The following KCNQ5 variants were observed in gnomAD, a reference collection of about 807,000 sequenced individuals.
The protein encoded by KCNQ5 is potassium voltage-gated channel subfamily KQT member 5.
A neutral mutation model predicts 98.2 loss-of-function variants in KCNQ5; 30 were observed. That is an observed-to-expected ratio of 0.31 (90% CI 0.23 to 0.41). KCNQ5 has a LOEUF of 0.41. Among genes scored for constraint, KCNQ5 ranks in the 10% least tolerant of loss-of-function variants. KCNQ5 has a pLI of 1.00. For missense variants in KCNQ5, 835 were observed against 1,182.5 expected (o/e 0.71, Z 4.31); for synonymous variants, 458 against 449.4 (o/e 1.02, Z -0.24).
chr6:72,855,055 C>T (rs371386207), intron 1 of KCNQ5, among the ~76,000 whole-genome samples: 4 of 151,918 alleles, frequency 2.6e-5, no homozygotes, highest in African/African-American at 9.7e-5. Context: ...TCAATTATCA[C>T]ACATTAGAAA....
intron 1 of KCNQ5, among the ~76,000 whole-genome samples, chr6:72,890,860 T>C (rs1346327048): frequency 6.6e-6 from 1 of 152,178 alleles, no homozygotes; most frequent in Non-Finnish European, 1.5e-5. Context: ...AGAGAACATG[T>C]AGCCCTCCCA....
At chr6:72,974,629 C>A (rs534811002) in intron 1 of KCNQ5, among the ~76,000 whole-genome samples, 45 of 152,078 alleles carry the variant, frequency 3.0e-4, no homozygotes, top group Non-Finnish European at 5.4e-4. Flanking sequence ...TTTAGTGCAT[C>A]CCTGTCAGCT....
chr6:73,083,343 A>T (rs1773856483), intron 5 of KCNQ5, among the ~76,000 whole-genome samples: 1 of 152,320 alleles, frequency 6.6e-6, no homozygotes, highest in East Asian at 1.9e-4. Context: ...TGATAAATGC[A>T]AAATACTAAA....
intron 1 of KCNQ5, among the ~76,000 whole-genome samples, chr6:72,715,730 T>C (rs1769612944): frequency 6.6e-6 from 1 of 152,176 alleles, no homozygotes; most frequent in Admixed American, 6.5e-5. Flanking sequence ...TATTTGGTTT[T>C]ATACTATGGT....
At chr6:73,037,445 C>CA (rs1374668303) in intron 2 of KCNQ5, among the ~76,000 whole-genome samples, 1 of 152,026 alleles carries the variant, frequency 6.6e-6, no homozygotes, top group East Asian at 1.9e-4. Context: ...TTGCTTAGTC[C>CA]AAATCCCAAA....
chr6:72,820,593 G>A (rs1370657662), intron 1 of KCNQ5, among the ~76,000 whole-genome samples: 1 of 151,690 alleles, frequency 6.6e-6, no homozygotes, highest in African/African-American at 2.4e-5. Flanking sequence ...TTTTCCTATA[G>A]TGAGGAGAAT....
intron 1 of KCNQ5, among the ~76,000 whole-genome samples, chr6:72,723,168 T>A (rs571136193): frequency 1.3e-5 from 2 of 152,288 alleles, no homozygotes; most frequent in East Asian, 3.9e-4. Flanking sequence ...ATTTTGGTAG[T>A]CTTTTATTTC....
intron 9 of KCNQ5, among the ~76,000 whole-genome samples, chr6:73,132,091 G>T (rs569419867): frequency 6.6e-6 from 1 of 152,208 alleles, no homozygotes; most frequent in Non-Finnish European, 1.5e-5. Flanking sequence ...ACTGTTTCTT[G>T]TTAGCTACAA....
intron 11 of KCNQ5, among the ~76,000 whole-genome samples, chr6:73,179,868 T>C (rs1006780134): frequency 2.0e-5 from 3 of 152,224 alleles, no homozygotes; most frequent in Non-Finnish European, 4.4e-5. Flanking sequence ...GAATTTTAAC[T>C]GTCTGCCTAC....
At chr6:72,774,291 A>G (rs1773056871) in intron 1 of KCNQ5, among the ~76,000 whole-genome samples, 1 of 152,168 alleles carries the variant, frequency 6.6e-6, no homozygotes, top group Admixed American at 6.5e-5. Context: ...CATAAACAAT[A>G]TATAAGCAGA....
chr6:72,896,081 T>G (rs752469852), intron 1 of KCNQ5, among the ~76,000 whole-genome samples: 21 of 152,192 alleles, frequency 1.4e-4, no homozygotes, highest in Non-Finnish European at 2.5e-4. Context: ...AGCAAGTCTA[T>G]TAAATTATAA....
intron 12 of KCNQ5, among the ~76,000 whole-genome samples, chr6:73,191,958 C>T (rs964231122): frequency 1.3e-5 from 2 of 152,202 alleles, no homozygotes; most frequent in African/African-American, 4.8e-5. Flanking sequence ...CATTCTGTAA[C>T]ATCTGTAACA....
intron 6 of KCNQ5, among the ~76,000 whole-genome samples, chr6:73,109,977 A>T (rs1389301467): frequency 6.6e-6 from 1 of 152,196 alleles, no homozygotes; most frequent in Non-Finnish European, 1.5e-5. Context: ...AAGGAAGGTT[A>T]AAGGTTATCT....
Position 72,790,460 on chromosome 6 carries a change from C to T in KCNQ5, c.398+167873C>T, listed in dbSNP as rs75080894. On this transcript the variant is annotated intron_variant, in intron 1 of 13. Coordinates refer to ENST00000370398, the MANE Select transcript of KCNQ5 (RefSeq NM_019842.4). ...GGGACTAAAAAGTAAAACAATTGTA[C>T]TCATGGAGATAGAGAATAAAAGGAT... 9.2e-3 allele frequency among the ~76,000 whole-genome samples: 1,400 copies of T among 152,154 alleles called. 17 individuals carry two copies. Among genetic ancestry groups the T allele is most frequent in the African/African-American group, 0.03 (1,253 of 41,506 alleles).
Position 72,622,675 on chromosome 6 carries a change from C to A in KCNQ5, c.398+88C>A. On this transcript the variant is annotated intron_variant, in intron 1 of 13. Coordinates refer to ENST00000370398, the MANE Select transcript of KCNQ5 (RefSeq NM_019842.4). This position sits in a 1 kb window ranked among gnomAD's most constrained non-coding sequence, Gnocchi z 6.0. ...CGTGCTCCGCGCTCGCGCCCTTGGG[C>A]CCCCGCGCGCGTGCACACGTGGTGG... 3.4e-6 allele frequency: 5 copies of A among 1,470,862 alleles called. No homozygotes were observed. Among genetic ancestry groups the A allele is most frequent in the Non-Finnish European group, 4.6e-6 (5 of 1,080,424 alleles). 91.1% of individuals were successfully genotyped at this position (1,470,862 alleles called of 1,614,324 possible).
At chr6:73,133,859 T>C in intron 10 of KCNQ5, 2 of 686,500 alleles carry the variant, frequency 2.9e-6, no homozygotes, top group Non-Finnish European at 5.4e-6. Flanking sequence ...TAAATTTACA[T>C]TCCAAAGAAG....
chr6:73,153,862 T>C (rs187556319), intron 10 of KCNQ5, among the ~76,000 whole-genome samples: 306 of 150,544 alleles, frequency 2.0e-3, no homozygotes, highest in African/African-American at 7.2e-3. Flanking sequence ...ATCCCAGTGC[T>C]AAGTTATGCA....
At chr6:72,674,826 G>T (rs563890568) in intron 1 of KCNQ5, among the ~76,000 whole-genome samples, 7 of 152,132 alleles carry the variant, frequency 4.6e-5, no homozygotes, top group African/African-American at 1.7e-4. Flanking sequence ...AGTAAGTGTG[G>T]CAAATTATCT....
chr6:72,791,215 A>C (rs779978655), intron 1 of KCNQ5, among the ~76,000 whole-genome samples: 9 of 152,200 alleles, frequency 5.9e-5, no homozygotes, highest in Non-Finnish European at 1.2e-4. Context: ...GCAGCTATGC[A>C]TATGAGAGCA....
Sources: gnomAD v4.1 joint callset for allele counts (sites outside exome capture counted in the v4.1 genomes callset) on GRCh38, gnomAD v4.1.1 for gene constraint, Gnocchi (gnomAD v3.1) non-coding constraint, MANE v1.5 for transcripts, NCBI Gene and HGNC (gene_info 2026-07-23, HGNC 2026-07-21) for gene names.